RBFOX1: variants seen among roughly 807,000 people sequenced by gnomAD.
RBFOX1 encodes the protein RNA binding fox-1 homolog 1, also known as RNA binding protein fox-1 homolog 1.
RBFOX1 carries 8 observed loss-of-function variants against 57.7 expected under a neutral mutation model. The ratio of observed to expected loss-of-function variants is 0.14; its 90% confidence interval spans 0.08 to 0.25. The LOEUF (loss-of-function observed/expected upper bound fraction) is 0.25. Ranked by LOEUF, RBFOX1 falls within the 10% of genes least tolerant of loss-of-function variation. The probability of loss-of-function intolerance (pLI) is 1.00; values close to 1 mark genes in which losing one functional copy is unlikely to be tolerated. For missense variants in RBFOX1, 611 were observed against 548.5 expected (o/e 1.11, Z -1.14); for synonymous variants, 326 against 222.4 (o/e 1.47, Z -4.15).
chr16:7,392,959 C>T (rs751754770), intron 4 of RBFOX1, among the ~76,000 whole-genome samples: 16 of 152,020 alleles, frequency 1.1e-4, no homozygotes, highest in African/African-American at 2.7e-4. Context: ...CTGCAACCTC[C>T]GCCTCCCAGG....
chr16:5,680,498 C>G (rs533725676), intron 3 of RBFOX1, among the ~76,000 whole-genome samples: 4 of 152,112 alleles, frequency 2.6e-5, no homozygotes, highest in African/African-American at 9.7e-5. Flanking sequence ...GTGAGTCAAG[C>G]TATTAGGTTT....
intron 2 of RBFOX1, among the ~76,000 whole-genome samples, chr16:6,448,156 C>CTTTCTTT (rs2094523593): frequency 6.6e-4 from 52 of 78,458 alleles, no homozygotes; most frequent in African/African-American, 2.8e-3. Context: ...TCTTTTCTTT[C>CTTTCTTT]TTTTTTTTTT....
chr16:5,773,821 C>T (rs763820434), intron 3 of RBFOX1, among the ~76,000 whole-genome samples: 17 of 152,086 alleles, frequency 1.1e-4, no homozygotes, highest in Admixed American at 3.9e-4. Context: ...CCTCAACCTC[C>T]TGAGTAGCTG....
At chr16:6,820,261 G>C (rs12599928) in intron 3 of RBFOX1, among the ~76,000 whole-genome samples, 1 of 151,958 alleles carries the variant, frequency 6.6e-6, no homozygotes, top group Non-Finnish European at 1.5e-5. Flanking sequence ...TTTATAAATT[G>C]TCCAGTCTCA....
intron 2 of RBFOX1, among the ~76,000 whole-genome samples, chr16:6,561,571 A>T (rs2097179607): frequency 6.6e-6 from 1 of 152,218 alleles, no homozygotes; most frequent in Non-Finnish European, 1.5e-5. Context: ...TAGAAGGGCG[A>T]GGGGTTGTCA....
chr16:6,153,253 A>T (rs1315589231), intron 1 of RBFOX1, among the ~76,000 whole-genome samples: 3 of 152,080 alleles, frequency 2.0e-5, no homozygotes, highest in African/African-American at 7.2e-5. Flanking sequence ...TATTTCCTCC[A>T]ATAAAAATTT....
intron 3 of RBFOX1, among the ~76,000 whole-genome samples, chr16:6,849,332 T>G (rs932017085): frequency 6.6e-6 from 1 of 152,136 alleles, no homozygotes; most frequent in African/African-American, 2.4e-5. Flanking sequence ...AGAAATAGAT[T>G]ATGACAAAAG....
At chr16:5,616,732 C>T (rs1369446480) in intron 3 of RBFOX1, among the ~76,000 whole-genome samples, 1 of 143,516 alleles carries the variant, frequency 7.0e-6, no homozygotes, top group African/African-American at 2.6e-5. Flanking sequence ...TGTCCCTCTC[C>T]TCCTCCTGTC....
At chr16:5,578,664 T>A (rs1170833212) in intron 2 of RBFOX1, among the ~76,000 whole-genome samples, 1 of 152,116 alleles carries the variant, frequency 6.6e-6, no homozygotes, top group Non-Finnish European at 1.5e-5. Context: ...TCTAAGGCCT[T>A]CAAGGTTCTC....
chr16:6,974,391 C>G (rs144131016), intron 3 of RBFOX1, among the ~76,000 whole-genome samples: 2,215 of 116,944 alleles, frequency 0.019, 34 homozygotes, highest in Middle Eastern at 0.061. Flanking sequence ...GTTGCCCAGG[C>G]TGGAGTGCAA....
At chr16:7,643,302 C>G (rs919772768) in intron 11 of RBFOX1, among the ~76,000 whole-genome samples, 2 of 152,142 alleles carry the variant, frequency 1.3e-5, no homozygotes, top group Admixed American at 6.5e-5. Flanking sequence ...CCAGTGTGCT[C>G]ATTACATGTA....
At chr16:7,467,955 G>A (rs1015551020) in intron 4 of RBFOX1, among the ~76,000 whole-genome samples, 7 of 152,224 alleles carry the variant, frequency 4.6e-5, no homozygotes, top group African/African-American at 1.7e-4. Flanking sequence ...ACAGGTTATT[G>A]CTAAGAGGGA....
chr16:5,715,450 C>A (rs941098368), intron 3 of RBFOX1, among the ~76,000 whole-genome samples: 1 of 152,158 alleles, frequency 6.6e-6, no homozygotes, highest in East Asian at 1.9e-4. Flanking sequence ...ATCTCAAACT[C>A]GAAATATCTT....
intron 3 of RBFOX1, among the ~76,000 whole-genome samples, chr16:6,969,995 C>T (rs906989566): frequency 6.6e-6 from 1 of 151,840 alleles, no homozygotes; most frequent in Admixed American, 6.6e-5. Context: ...CCTTACAAGC[C>T]TGGGCAGCAT....
chr16:6,518,384 T>G (rs1598726261), intron 2 of RBFOX1, among the ~76,000 whole-genome samples: 1 of 152,120 alleles, frequency 6.6e-6, no homozygotes, highest in South Asian at 2.1e-4. Context: ...GGTGTCAAGT[T>G]GGGGGTCATG....
intron 4 of RBFOX1, among the ~76,000 whole-genome samples, chr16:7,204,021 A>C (rs540151543): frequency 6.6e-6 from 1 of 152,222 alleles, no homozygotes; most frequent in African/African-American, 2.4e-5. Flanking sequence ...GCAATCTTTA[A>C]CTAACATTTC....
intron 3 of RBFOX1, among the ~76,000 whole-genome samples, chr16:6,756,981 A>G (rs892945462): frequency 2.6e-5 from 2 of 75,552 alleles, no homozygotes; most frequent in African/African-American, 8.6e-5. Context: ...ATCTCAAACA[A>G]ACAGACAAAC....
chr16:7,693,415 C>CTTT, intron 14 of RBFOX1: 11 of 973,418 alleles, frequency 1.1e-5, no homozygotes, highest in South Asian at 4.5e-5. Flanking sequence ...GTCTCAGTAT[C>CTTT]CTTTTTTTTT....
intron 4 of RBFOX1, among the ~76,000 whole-genome samples, chr16:5,877,351 G>T (rs774834006): frequency 1.3e-5 from 2 of 152,196 alleles, no homozygotes; most frequent in African/African-American, 2.4e-5. Flanking sequence ...AGGAGCCTGT[G>T]ATCTATGAAA....
Sources: gnomAD v4.1 joint callset for allele counts (sites outside exome capture counted in the v4.1 genomes callset) on GRCh38, gnomAD v4.1.1 for gene constraint, MANE v1.5 for transcripts, NCBI Gene and HGNC (gene_info 2026-07-23, HGNC 2026-07-21) for gene names.